The following ZNF503 variants were observed in gnomAD, a reference collection of about 807,000 sequenced individuals.
ZNF503 encodes NocA-like zinc finger 2.
In ZNF503, 15 loss-of-function variants were observed where a neutral mutation model predicts 34.4. That is an observed-to-expected ratio of 0.44 (90% CI 0.29 to 0.67). ZNF503 has a LOEUF of 0.67. ZNF503 is among the 30% of genes least tolerant of loss of function. The probability of loss-of-function intolerance (pLI) is 0.13; values close to 1 mark genes in which losing one functional copy is unlikely to be tolerated. For missense variants in ZNF503, 1,007 were observed against 926.8 expected (o/e 1.09, Z -1.12); for synonymous variants, 580 against 456.8 (o/e 1.27, Z -3.44).
At chr10:75,351,318 T>G in the ZNF503 span, among the ~76,000 whole-genome samples, 1 of 152,126 alleles carries the variant, frequency 6.6e-6, no homozygotes, top group Non-Finnish European at 1.5e-5. Flanking sequence ...ATTACAGGCA[T>G]GCACCACCAC....
At chr10:75,400,602 C>A (rs916017682) in intron 1 of ZNF503, among the ~76,000 whole-genome samples, 1 of 152,182 alleles carries the variant, frequency 6.6e-6, no homozygotes, top group Non-Finnish European at 1.5e-5. Flanking sequence ...CCACCCCCAG[C>A]AGCATCTTTC....
chr10:75,342,070 C>A, the ZNF503 span, among the ~76,000 whole-genome samples: 1 of 152,100 alleles, frequency 6.6e-6, no homozygotes, highest in Non-Finnish European at 1.5e-5. Flanking sequence ...GATATACTCT[C>A]CTCTGGAGTC....
chr10:75,308,293 A>G, the ZNF503 span, among the ~76,000 whole-genome samples: 6 of 150,422 alleles, frequency 4.0e-5, no homozygotes, highest in Non-Finnish European at 7.4e-5. Context: ...TAAGCCCACT[A>G]TTGAGACCTA....
At chr10:75,291,093 G>C in the ZNF503 span, among the ~76,000 whole-genome samples, 3 of 152,148 alleles carry the variant, frequency 2.0e-5, no homozygotes, top group African/African-American at 7.2e-5. Flanking sequence ...TGTGCCTGGG[G>C]GTTTCACAGC....
the ZNF503 span, among the ~76,000 whole-genome samples, chr10:75,353,510 G>T: frequency 6.6e-6 from 1 of 151,838 alleles, no homozygotes; most frequent in African/African-American, 2.4e-5. Context: ...CAGAGCTCAG[G>T]GCGGGTGCCA....
At chr10:75,327,873 C>T in the ZNF503 span, among the ~76,000 whole-genome samples, 1 of 152,008 alleles carries the variant, frequency 6.6e-6, no homozygotes, top group African/African-American at 2.4e-5. Context: ...AAAAAATATA[C>T]CTGTTGACCA....
At chr10:75,323,269 C>G in the ZNF503 span, among the ~76,000 whole-genome samples, 1 of 152,156 alleles carries the variant, frequency 6.6e-6, no homozygotes, top group African/African-American at 2.4e-5. Flanking sequence ...CATTTGCCAG[C>G]TGAAAGACCT....
chr10:75,306,552 G>A, the ZNF503 span, among the ~76,000 whole-genome samples: 6 of 152,058 alleles, frequency 3.9e-5, no homozygotes, highest in Non-Finnish European at 8.8e-5. Context: ...TAATTTTCAT[G>A]ATGTTGAATT....
the ZNF503 span, among the ~76,000 whole-genome samples, chr10:75,378,174 G>A: frequency 6.6e-6 from 1 of 151,998 alleles, no homozygotes; most frequent in African/African-American, 2.4e-5. Context: ...TCCAGCACTG[G>A]GGATTACATT....
chr10:75,329,415 T>TTCCTTCCTTTCC, the ZNF503 span, among the ~76,000 whole-genome samples: 1 of 90,402 alleles, frequency 1.1e-5, no homozygotes, highest in African/African-American at 4.3e-5. Flanking sequence ...CCTTCCTTCC[T>TTCCTTCCTTTCC]TTCCTTCCTT....
At chr10:75,283,425 A>AAG in the ZNF503 span, 2 of 152,234 alleles carry the variant, frequency 1.3e-5, no homozygotes, top group Non-Finnish European at 2.9e-5. Flanking sequence ...GTGGTGGGGG[A>AAG]AGAGAGAGAC....
the ZNF503 span, among the ~76,000 whole-genome samples, chr10:75,284,422 A>T: frequency 6.0e-5 from 9 of 150,638 alleles, no homozygotes; most frequent in African/African-American, 2.0e-4. Flanking sequence ...GGGGAAGGGT[A>T]CTGGGTTGGG....
At chr10:75,345,176 G>C in the ZNF503 span, among the ~76,000 whole-genome samples, 1 of 152,188 alleles carries the variant, frequency 6.6e-6, no homozygotes, top group Non-Finnish European at 1.5e-5. Flanking sequence ...TGCTGAGCAG[G>C]TTTTGGTGTG....
the ZNF503 span, among the ~76,000 whole-genome samples, chr10:75,329,381 T>TCTTCCTTC: frequency 8.1e-4 from 105 of 129,178 alleles, no homozygotes; most frequent in African/African-American, 2.2e-3. Flanking sequence ...CTTCTTTCTT[T>TCTTCCTTC]CTTCCTTCCT....
chr10:75,369,573 G>A, the ZNF503 span, among the ~76,000 whole-genome samples: 6 of 152,306 alleles, frequency 3.9e-5, no homozygotes, highest in African/African-American at 1.4e-4. Flanking sequence ...GGAACTGTAA[G>A]TCAATTAAAT....
chr10:75,400,846 G>A, intron 1 of ZNF503, among the ~76,000 whole-genome samples: 2 of 152,306 alleles, frequency 1.3e-5, no homozygotes, highest in Middle Eastern at 3.4e-3. Flanking sequence ...CGAGTGAAGG[G>A]GCCTGGGTCG....
the ZNF503 span, among the ~76,000 whole-genome samples, chr10:75,315,004 T>G: frequency 2.6e-5 from 4 of 152,226 alleles, no homozygotes; most frequent in East Asian, 7.7e-4. Context: ...TACCCTAATA[T>G]TGTAATGATG....
the ZNF503 span, among the ~76,000 whole-genome samples, chr10:75,374,435 G>T: frequency 6.6e-6 from 1 of 152,126 alleles, no homozygotes; most frequent in Non-Finnish European, 1.5e-5. Context: ...CTCTAGCTGT[G>T]CATCACTCAT....
chr10:75,315,677 A>G, the ZNF503 span, among the ~76,000 whole-genome samples: 1 of 152,228 alleles, frequency 6.6e-6, no homozygotes, highest in South Asian at 2.1e-4. Context: ...GCAAGAAAAG[A>G]ACAAAGAATC....
Sources: allele counts gnomAD v4.1 joint callset (sites outside exome capture counted in the v4.1 genomes callset), GRCh38; gene constraint gnomAD v4.1.1; transcripts MANE v1.5; gene names NCBI Gene and HGNC (gene_info 2026-07-23, HGNC 2026-07-21).